Variants in DOC2B observed in about 807,000 individuals in gnomAD.
DOC2B encodes the protein double C2 domain beta, also known as double C2-like domain-containing protein beta.
DOC2B carries 21 observed loss-of-function variants against 28.9 expected under a neutral mutation model. That is an observed-to-expected ratio of 0.73 (90% CI 0.52 to 1.05). DOC2B has a LOEUF of 1.05. Among genes scored for constraint, DOC2B ranks in the 50% least tolerant of loss-of-function variants. The pLI is 0.00. For synonymous variants in DOC2B, 194 were observed against 178.1 expected, an observed-to-expected ratio of 1.09 and a Z score of -0.71; for missense variants, 384 against 421.1, an observed-to-expected ratio of 0.91 and a Z score of 0.77.
At chr17:164,245 G>A (rs1555523634) in intron 2 of DOC2B, 41 bp from the exon 3 acceptor site, 16 of 1,456,456 alleles carry the variant, frequency 1.1e-5, no homozygotes, top group Non-Finnish European at 1.5e-5. Context: ...GGAAATCGGG[G>A]ACATGGAACT....
intron 1 of DOC2B, among the ~76,000 whole-genome samples, chr17:177,547 G>A (rs1198729763): frequency 6.6e-6 from 1 of 152,330 alleles, no homozygotes; most frequent in Admixed American, 6.5e-5. Flanking sequence ...TTAGGGCTGA[G>A]CCCTCTCTGT....
chr17:172,283 G>C (rs548165273), intron 2 of DOC2B, among the ~76,000 whole-genome samples: 1 of 151,642 alleles, frequency 6.6e-6, no homozygotes, highest in African/African-American at 2.4e-5. Flanking sequence ...GAGGGTCCTC[G>C]GTCCAGGCCT....
At chr17:163,233 C>T (rs1379451865) in intron 3 of DOC2B, among the ~76,000 whole-genome samples, 5 of 152,208 alleles carry the variant, frequency 3.3e-5, no homozygotes, top group African/African-American at 4.8e-5. Flanking sequence ...TACTCGCCCT[C>T]GGCCCTCATA....
intron 1 of DOC2B, among the ~76,000 whole-genome samples, chr17:179,244 C>T (rs968740511): frequency 6.6e-6 from 1 of 152,140 alleles, no homozygotes; most frequent in South Asian, 2.1e-4. Flanking sequence ...GTGAGTCTGG[C>T]CCCTGCACCG....
intron 5 of DOC2B, 37 bp from the exon 6 acceptor site, chr17:156,414 C>G: frequency 1.9e-6 from 3 of 1,544,902 alleles, no homozygotes; most frequent in Non-Finnish European, 2.6e-6. Flanking sequence ...CTCACCTGCT[C>G]CCACCCCTCT....
intron 5 of DOC2B, among the ~76,000 whole-genome samples, chr17:157,090 CATT>C (rs2151463008): frequency 6.6e-6 from 1 of 152,340 alleles, no homozygotes; most frequent in East Asian, 1.9e-4. Flanking sequence ...CAGAGCCTAA[CATT>C]AGCGCTAAGC....
At chr17:154,525 CT>C (rs1354082254) in intron 6 of DOC2B, among the ~76,000 whole-genome samples, 3 of 152,252 alleles carry the variant, frequency 2.0e-5, no homozygotes, top group African/African-American at 7.2e-5. Flanking sequence ...TGGATGGACA[CT>C]TGGGGTGTTT....
chr17:177,271 T>A (rs2040381088), intron 1 of DOC2B, among the ~76,000 whole-genome samples: 1 of 152,188 alleles, frequency 6.6e-6, no homozygotes, highest in South Asian at 2.1e-4. Context: ...TTCATTCATC[T>A]GCTTTAAATT....
intron 5 of DOC2B, 141 bp downstream of exon 5, chr17:161,274 T>G (rs2040199221): frequency 4.5e-6 from 4 of 887,318 alleles, no homozygotes; most frequent in Non-Finnish European, 7.0e-6. Flanking sequence ...TCCACCCCCT[T>G]GACTCTCCAT....
intron 1 of DOC2B, among the ~76,000 whole-genome samples, chr17:180,198 C>T (rs913601929): frequency 1.3e-5 from 2 of 152,238 alleles, no homozygotes; most frequent in African/African-American, 2.4e-5. Flanking sequence ...CATGCCATCC[C>T]CACCCCGCGC....
intron 6 of DOC2B, 130 bp from the exon 7 acceptor site, chr17:149,322 T>G (rs2040047830): frequency 2.5e-6 from 1 of 397,516 alleles, no homozygotes; most frequent in African/African-American, 2.1e-5. Flanking sequence ...TCCTAATCAT[T>G]GGATTTTCCC....
At chr17:179,359 C>T (rs1462277294) in intron 1 of DOC2B, among the ~76,000 whole-genome samples, 2 of 151,580 alleles carry the variant, frequency 1.3e-5, no homozygotes, top group African/African-American at 4.8e-5. Context: ...GAGTTTCTAG[C>T]TTCCTGGTCC....
intron 6 of DOC2B, among the ~76,000 whole-genome samples, chr17:150,146 C>G (rs1446014631): frequency 6.6e-6 from 1 of 152,240 alleles, no homozygotes; most frequent in Non-Finnish European, 1.5e-5. Context: ...ACTCCTTTCT[C>G]TATGACAGGG....
intron 2 of DOC2B, among the ~76,000 whole-genome samples, chr17:172,165 C>A (rs376212340): frequency 6.6e-6 from 1 of 152,032 alleles, no homozygotes; most frequent in Non-Finnish European, 1.5e-5. Flanking sequence ...CTCCTCAGGG[C>A]GTCTGGGAGG....
At chr17:175,154 C>T (rs758322823) in intron 1 of DOC2B, among the ~76,000 whole-genome samples, 10 of 152,206 alleles carry the variant, frequency 6.6e-5, no homozygotes, top group Non-Finnish European at 1.5e-4. Context: ...GGGAGGACCG[C>T]TTGAGCCCAG....
chr17:159,168 A>G (rs539978227), intron 5 of DOC2B, among the ~76,000 whole-genome samples: 1 of 151,956 alleles, frequency 6.6e-6, no homozygotes, highest in South Asian at 2.1e-4. Context: ...CTTAAAACAG[A>G]TAATGTTCGC....
chr17:158,914 G>A (rs1251025980), intron 5 of DOC2B, among the ~76,000 whole-genome samples: 8 of 148,762 alleles, frequency 5.4e-5, no homozygotes, highest in Non-Finnish European at 9.1e-5. Flanking sequence ...GTGTGGTGGC[G>A]CATGCCTGTA....
intron 5 of DOC2B, among the ~76,000 whole-genome samples, chr17:158,713 G>A (rs1555522867): frequency 6.6e-6 from 1 of 152,222 alleles, no homozygotes; most frequent in African/African-American, 2.4e-5. Flanking sequence ...GCCCTGTGCT[G>A]CTTGTGTCAG....
intron 1 of DOC2B, among the ~76,000 whole-genome samples, chr17:174,875 T>C (rs999025646): frequency 1.3e-5 from 2 of 152,168 alleles, no homozygotes; most frequent in Admixed American, 6.5e-5. Context: ...TCCCAGCAGT[T>C]TGGGAGGCCG....
Sources: gnomAD v4.1 joint callset for allele counts (sites outside exome capture counted in the v4.1 genomes callset) on GRCh38, gnomAD v4.1.1 for gene constraint, MANE v1.5 for transcripts, NCBI Gene and HGNC (gene_info 2026-07-23, HGNC 2026-07-21) for gene names.